The following PTGFRN variants were observed in gnomAD, a reference collection of about 807,000 sequenced individuals.
PTGFRN encodes prostaglandin F2 receptor inhibitor, also known as prostaglandin F2 receptor negative regulator.
In PTGFRN, 35 loss-of-function variants were observed where a neutral mutation model predicts 83.2. That is an observed-to-expected ratio of 0.42 (90% CI 0.32 to 0.56). The LOEUF is 0.56. Among genes scored for constraint, PTGFRN ranks in the 20% least tolerant of loss-of-function variants. PTGFRN has a pLI of 0.11. For missense variants in PTGFRN, 1,051 were observed against 1,179.5 expected (o/e 0.89, Z 1.60); for synonymous variants, 519 against 498.6 (o/e 1.04, Z -0.55).
At chr1:116,922,125 C>T (rs111869863) in intron 1 of PTGFRN, among the ~76,000 whole-genome samples, 220 of 152,240 alleles carry the variant, frequency 1.4e-3, no homozygotes, top group African/African-American at 4.8e-3. Flanking sequence ...GCATCACCAG[C>T]GCCCACAGAG....
rs1162235874 is a variant in PTGFRN, at chr1:116,949,372, C to T, written c.1013C>T (p.Ser338Phe). 1 of 1,614,244 alleles carries T rather than the reference C, an allele frequency of 6.2e-7. No individual in the cohort carries two copies. The highest frequency in any genetic ancestry group is 2.2e-5 in the East Asian group (1 of 44,880). The change falls in exon 4 of 9, where the codon TCC becomes TTC. Residue 338 changes from serine to phenylalanine, a missense_variant. Physicochemically the swap from Ser to Phe is radical, Grantham distance 155. Transcript: ENST00000393203. ...GTGTTGGCGCGGCTTGACCGTGATTCCCTGGTGCACAGCTCGCCTCATGTT... is the reference window on the plus strand; with the variant it reads ...GTGTTGGCGCGGCTTGACCGTGATTTCCTGGTGCACAGCTCGCCTCATGTT... The part of the protein sequence containing the change: ...SRVLARLDRD[S>F]LVHSSPHVAL...
At chr1:116,949,145 G>A (rs369333878) in intron 3 of PTGFRN, 47 bp from the exon 4 acceptor site, 10 of 1,524,268 alleles carry the variant, frequency 6.6e-6, no homozygotes, top group Non-Finnish European at 7.9e-6. Context: ...AATAGAAGGG[G>A]CAAACATAAT....
intron 1 of PTGFRN, among the ~76,000 whole-genome samples, chr1:116,927,798 G>A (rs1649692622): frequency 6.6e-6 from 1 of 151,944 alleles, no homozygotes. Context: ...GCCTTCCAAA[G>A]TGCTGGGATT....
Position 116,923,954 on chromosome 1 carries a change from G to A in PTGFRN, c.49+13702G>A, listed in dbSNP as rs897341615. 6.6e-6 allele frequency among the ~76,000 whole-genome samples: 1 copy of A among 152,096 alleles called. No homozygotes were observed. Among genetic ancestry groups the A allele is most frequent in the South Asian group, 2.1e-4 (1 of 4,830 alleles). The stretch of plus-strand genomic sequence containing the variant: ...AATGTGGAGGATGACACACACACAG[G>A]AAGAGAGGTGGCATGGACGAAGTGT... On this transcript the variant is annotated intron_variant, in intron 1 of 8. Coordinates refer to ENST00000393203, the MANE Select transcript of PTGFRN (RefSeq NM_020440.4). This position sits in a 1 kb window ranked among gnomAD's most constrained non-coding sequence, Gnocchi z 4.0.
rs1047041357 is a variant in PTGFRN, at chr1:116,941,253, G to A, written c.50-462G>A. 6.6e-6 allele frequency among the ~76,000 whole-genome samples: 1 copy of A among 152,178 alleles called. No homozygotes were observed. The highest frequency in any genetic ancestry group is 1.5e-5 in the Non-Finnish European group (1 of 68,034). On this transcript the variant is annotated intron_variant, in intron 1 of 8. Transcript: ENST00000393203. This position sits in a 1 kb window ranked among gnomAD's most constrained non-coding sequence, Gnocchi z 5.0. ...CAGGCTGCTCTAGGATTTAAAAATT[G>A]GCATCCGTCATTGTAAATCAGGTCT...
chr1:116,973,622 A>C (rs990935827), intron 6 of PTGFRN, among the ~76,000 whole-genome samples: 10 of 147,448 alleles, frequency 6.8e-5, no homozygotes, highest in African/African-American at 2.3e-4. Context: ...AAAAAAAAAA[A>C]AGGAAAAAGG....
intron 5 of PTGFRN, among the ~76,000 whole-genome samples, chr1:116,962,156 C>T (rs948253478): frequency 2.0e-5 from 3 of 152,086 alleles, no homozygotes; most frequent in Admixed American, 1.3e-4. Context: ...TATCTAGCTT[C>T]GAATCTCGTG....
intron 8 of PTGFRN, among the ~76,000 whole-genome samples, chr1:116,986,188 T>TG (rs11464978): frequency 0.55 from 83,271 of 151,978 alleles, 22,992 homozygotes; most frequent in East Asian, 0.67. Flanking sequence ...CCAAGGAGCA[T>TG]GGGTACTTAT....
chr1:116,915,278 G>C (rs1420161312), intron 1 of PTGFRN, among the ~76,000 whole-genome samples: 1 of 152,224 alleles, frequency 6.6e-6, no homozygotes, highest in Non-Finnish European at 1.5e-5. Context: ...GAAGGGAAGG[G>C]CAGTGCCAGC....
rs749181213 is a variant in PTGFRN, at chr1:116,942,047, G to C, written c.382G>C (p.Val128Leu). ...KCSTPSTDATVQGNYEDTVQV... is the reference protein window; with the variant it reads ...KCSTPSTDATLQGNYEDTVQV... ...TTCAACCCCCAGCACAGATGCCACT[G>C]TCCAGGGAAACTATGAGGACACAGT... is the stretch of plus-strand genomic sequence containing the variant. The change falls in exon 2 of 9, where the codon GTC becomes CTC. Residue 128 changes from valine to leucine, a missense_variant. Physicochemically the swap from Val to Leu is conservative, Grantham distance 32. This residue lies in a region of PTGFRN where 127 missense variants were observed against 168.4 expected (regional missense o/e 0.75). Transcript: ENST00000393203. 6.8e-6 allele frequency: 11 copies of C among 1,613,982 alleles called. No homozygotes were observed.
intron 7 of PTGFRN, among the ~76,000 whole-genome samples, chr1:116,980,084 A>T (rs1224496228): frequency 1.3e-5 from 2 of 152,224 alleles, no homozygotes; most frequent in Admixed American, 6.5e-5. Flanking sequence ...AAAAGAAGAC[A>T]TTTATGCAGC....
At position 116,978,840 on chromosome 1, in the gene PTGFRN, C is replaced by T. The variant is rs558679223; in HGVS notation, c.2167+4517C>T. Among the ~76,000 whole-genome samples, 56 of 152,212 alleles carry T rather than the reference C, an allele frequency of 3.7e-4. No individual in the cohort carries two copies. The South Asian group carries it at 6.4e-3, about 17-fold the overall frequency. ...GACAGGGATACCCTCTCTCACCACT[C>T]CTATTCAACATATTGTTGGAAGTTC... On this transcript the variant is annotated intron_variant, in intron 7 of 8. Coordinates refer to ENST00000393203, the MANE Select transcript of PTGFRN (RefSeq NM_020440.4).
chr1:116,977,918 A>G (rs571086512), intron 7 of PTGFRN, among the ~76,000 whole-genome samples: 2 of 152,354 alleles, frequency 1.3e-5, no homozygotes, highest in African/African-American at 4.8e-5. Flanking sequence ...CTTCAAAAAA[A>G]TCAATGAATC....
intron 1 of PTGFRN, among the ~76,000 whole-genome samples, chr1:116,932,820 T>C (rs1411386581): frequency 6.6e-6 from 1 of 152,296 alleles, no homozygotes; most frequent in East Asian, 1.9e-4. Context: ...TATAATGCAA[T>C]TGAAGGCAAA....
chr1:116,966,760 T>G (rs76046956), intron 5 of PTGFRN, 151 bp from the exon 6 acceptor site: 3 of 802,242 alleles, frequency 3.7e-6, no homozygotes, highest in East Asian at 5.4e-5. Context: ...TAGATACACA[T>G]GATTTTCTTT....
At chr1:116,945,137 A>G (rs746419344) in intron 3 of PTGFRN, 45 bp downstream of exon 3, 16 of 1,551,506 alleles carry the variant, frequency 1.0e-5, no homozygotes, top group Non-Finnish European at 1.4e-5. Flanking sequence ...TTTTGTGACT[A>G]ATGATAGTGA....
At chr1:116,936,052 A>G (rs1649914628) in intron 1 of PTGFRN, among the ~76,000 whole-genome samples, 1 of 152,182 alleles carries the variant, frequency 6.6e-6, no homozygotes, top group African/African-American at 2.4e-5. Flanking sequence ...AGTTTGAAAC[A>G]CTGGTAGAAC....
chr1:116,973,758 C>A (rs2101084832), intron 6 of PTGFRN, among the ~76,000 whole-genome samples: 1 of 152,242 alleles, frequency 6.6e-6, no homozygotes, highest in African/African-American at 2.4e-5. Context: ...CTCTTGGTAA[C>A]AGGGCCCCTT....
rs73012736 is a variant in PTGFRN at position 116,928,266 on chromosome 1, A to G, written c.50-13449A>G. 5.1e-3 allele frequency among the ~76,000 whole-genome samples: 772 copies of G among 152,290 alleles called. 5 individuals carry two copies. The highest frequency in any genetic ancestry group is 0.018 in the African/African-American group (732 of 41,550). ...TTCACCTTTTTGATTGTCAATTCTG[A>G]TATTTCCCTCTGTGACCACAACCTC... On this transcript the variant is annotated intron_variant, in intron 1 of 8. Coordinates refer to ENST00000393203, the MANE Select transcript of PTGFRN (RefSeq NM_020440.4).
Sources: gnomAD v4.1 joint callset for allele counts (sites outside exome capture counted in the v4.1 genomes callset) on GRCh38, gnomAD v4.1.1 for gene constraint, gnomAD v4.1.1 regional missense constraint, Gnocchi (gnomAD v3.1) non-coding constraint, MANE v1.5 for transcripts, NCBI Gene and HGNC (gene_info 2026-07-23, HGNC 2026-07-21) for gene names.